Variants in TMEM161B observed in about 807,000 individuals in gnomAD.
The protein encoded by TMEM161B is transmembrane protein 161B.
Under a neutral mutation model 61.8 loss-of-function variants are expected in TMEM161B, and 34 were observed. The observed-to-expected ratio is 0.55, with a 90% CI of 0.42 to 0.73. TMEM161B has a LOEUF of 0.73. Ranked by LOEUF, TMEM161B falls within the 30% of genes least tolerant of loss-of-function variation. The pLI is 0.00. For missense variants in TMEM161B, 456 were observed against 558.5 expected (o/e 0.82, Z 1.85); for synonymous variants, 167 against 192.8 (o/e 0.87, Z 1.11).
chr5:88,220,778 T>G (rs1296940517), intron 4 of TMEM161B, 59 bp from the exon 5 acceptor site: 1 of 1,483,660 alleles, frequency 6.7e-7, no homozygotes, highest in Admixed American at 2.7e-5. Flanking sequence ...TTCACTTACA[T>G]TTTCATAAAT....
chr5:88,268,738 G>A lies in TMEM161B; in HGVS notation c.-15C>T. 6.2e-7 allele frequency: 1 copy of A among 1,614,070 alleles called. No homozygotes were observed. Among genetic ancestry groups the A allele is most frequent in the Non-Finnish European group, 8.5e-7 (1 of 1,179,982 alleles). ...GAACTCACCATGGCGCCTAGGATAG[G>A]TCGTGGACCAGACACCCTGGAGTTG... On this transcript the variant is annotated 5_prime_UTR_variant, in exon 1 of 12. Coordinates refer to ENST00000296595, the MANE Select transcript of TMEM161B (RefSeq NM_153354.5).
At chr5:88,215,660 C>T (rs1455103372) in intron 5 of TMEM161B, among the ~76,000 whole-genome samples, 1 of 152,158 alleles carries the variant, frequency 6.6e-6, no homozygotes, top group Non-Finnish European at 1.5e-5. Context: ...TACAGGATTC[C>T]TGCAGAGATG....
chr5:88,265,929 T>C (rs959386713), intron 1 of TMEM161B, among the ~76,000 whole-genome samples: 5 of 152,342 alleles, frequency 3.3e-5, no homozygotes, highest in African/African-American at 1.2e-4. Context: ...TCTACCTATC[T>C]TCCACAAATT....
At chr5:88,220,016 T>G (rs1476447799) in intron 5 of TMEM161B, among the ~76,000 whole-genome samples, 1 of 151,868 alleles carries the variant, frequency 6.6e-6, no homozygotes. Context: ...AAATGAAGTA[T>G]CTGAACTATT....
At chr5:88,198,902 A>G in intron 10 of TMEM161B, 74 bp downstream of exon 10, 2 of 1,374,662 alleles carry the variant, frequency 1.5e-6, no homozygotes. Flanking sequence ...TATCTACTAA[A>G]GGAAACCAAT....
intron 9 of TMEM161B, chr5:88,201,258 C>T (rs1192763213): frequency 1.3e-5 from 2 of 151,996 alleles, no homozygotes; most frequent in African/African-American, 4.8e-5. Flanking sequence ...ATTTAATATA[C>T]ACACAAGGGA....
At chr5:88,216,885 C>T (rs1475984901) in intron 5 of TMEM161B, among the ~76,000 whole-genome samples, 2 of 152,070 alleles carry the variant, frequency 1.3e-5, no homozygotes, top group Non-Finnish European at 2.9e-5. Flanking sequence ...TAAATATCAA[C>T]AAAATTTTGG....
At chr5:88,198,268 TA>T (rs1001980109) in intron 10 of TMEM161B, 2 of 151,996 alleles carry the variant, frequency 1.3e-5, no homozygotes, top group African/African-American at 4.8e-5. Context: ...GTTTAAATCT[TA>T]ATAAATGCCC....
chr5:88,200,362 T>C (rs1000614442), intron 9 of TMEM161B: 3 of 152,080 alleles, frequency 2.0e-5, no homozygotes, highest in African/African-American at 7.2e-5. Flanking sequence ...GGAGCCATCA[T>C]GTGAGAGTAA....
At chr5:88,207,280 T>C (rs1223833057) in intron 5 of TMEM161B, 100 bp from the exon 6 acceptor site, 1 of 1,132,238 alleles carries the variant, frequency 8.8e-7, no homozygotes, top group East Asian at 2.6e-5. Context: ...GACTACAACA[T>C]TTATTTCCAA....
intron 5 of TMEM161B, 85 bp downstream of exon 5, chr5:88,220,478 A>G: frequency 9.1e-7 from 1 of 1,100,186 alleles, no homozygotes; most frequent in Non-Finnish European, 1.2e-6. Flanking sequence ...TTATCTAATG[A>G]CATAAAATCT....
At chr5:88,241,324 C>T (rs1017259763) in intron 1 of TMEM161B, among the ~76,000 whole-genome samples, 1 of 151,682 alleles carries the variant, frequency 6.6e-6, no homozygotes, top group African/African-American at 2.4e-5. Context: ...GGGACAAATC[C>T]CCTGTGTAGA....
At chr5:88,234,851 G>A (rs1440433379) in intron 2 of TMEM161B, among the ~76,000 whole-genome samples, 1 of 152,118 alleles carries the variant, frequency 6.6e-6, no homozygotes, top group Non-Finnish European at 1.5e-5. Context: ...GATTGCTTGA[G>A]CCTAGGAGTT....
intron 6 of TMEM161B, among the ~76,000 whole-genome samples, 181 bp from the exon 7 acceptor site, chr5:88,206,680 C>T (rs778145921): frequency 1.2e-4 from 18 of 152,000 alleles, no homozygotes; most frequent in Non-Finnish European, 2.5e-4. Flanking sequence ...TTAGCAGGAA[C>T]AGTCTTTGAA....
chr5:88,225,558 G>T (rs1324913529), intron 4 of TMEM161B, among the ~76,000 whole-genome samples: 3 of 152,172 alleles, frequency 2.0e-5, no homozygotes, highest in Non-Finnish European at 4.4e-5. Flanking sequence ...TAATAAATTT[G>T]TGTAAGTTAG....
At chr5:88,200,749 C>G (rs1030779030) in intron 9 of TMEM161B, 1 of 151,994 alleles carries the variant, frequency 6.6e-6, no homozygotes, top group Non-Finnish European at 1.5e-5. Context: ...ACCTTAAATT[C>G]CTGATGCCAT....
chr5:88,196,225 G>A lies in TMEM161B; in HGVS notation c.1450C>T (p.Leu484=). ...TTAACTGAGATTCATGCCACAGTCA[G>A]ATACTGGTGATAGAAAAGCCCAAAA... is the stretch of plus-strand genomic sequence containing the variant. ...SLFGLFYHQY[L]TVA is the part of the protein sequence containing the mutation. Residue 484 remains leucine, a synonymous_variant, in exon 12 of 12, where the codon CTG becomes TTG. Transcript: ENST00000296595. 1 of 1,611,546 alleles carries A rather than the reference G, an allele frequency of 6.2e-7. No homozygotes were observed. Among genetic ancestry groups the A allele is most frequent in the East Asian group, 2.2e-5 (1 of 44,806 alleles).
intron 4 of TMEM161B, chr5:88,221,670 T>C (rs1398641022): frequency 6.6e-6 from 3 of 455,886 alleles, no homozygotes; most frequent in Middle Eastern, 3.3e-4. Flanking sequence ...TATAATTCCA[T>C]CACCCTTTGC....
intron 5 of TMEM161B, among the ~76,000 whole-genome samples, chr5:88,215,133 G>C (rs777266934): frequency 6.6e-6 from 1 of 152,094 alleles, no homozygotes; most frequent in Non-Finnish European, 1.5e-5. Context: ...GTCTAATTTG[G>C]GGACCATTTT....
Sources: allele counts gnomAD v4.1 joint callset (sites outside exome capture counted in the v4.1 genomes callset), GRCh38; gene constraint gnomAD v4.1.1; transcripts MANE v1.5; gene names NCBI Gene and HGNC (gene_info 2026-07-23, HGNC 2026-07-21).